PRNP: variants seen among roughly 807,000 people sequenced by gnomAD.
The protein encoded by PRNP is major prion protein.
A neutral mutation model predicts 21.3 loss-of-function variants in PRNP; 15 were observed. The observed-to-expected ratio is 0.71, with a 90% CI of 0.47 to 1.09. The LOEUF (loss-of-function observed/expected upper bound fraction) is 1.09, where lower values mean the gene tolerates loss of function less well. Among genes scored for constraint, PRNP ranks in the 50% least tolerant of loss-of-function variants. The pLI is 0.00. For synonymous variants in PRNP, 121 were observed against 123.1 expected, an observed-to-expected ratio of 0.98 and a Z score of 0.11; for missense variants, 285 against 340.9, an observed-to-expected ratio of 0.84 and a Z score of 1.29.
Position 4,700,189 on chromosome 20 carries a change from T to A in PRNP, c.*207T>A. 6.8e-7 allele frequency: 1 copy of A among 1,479,782 alleles called. No homozygotes were observed. Among genetic ancestry groups the A allele is most frequent in the South Asian group, 1.2e-5 (1 of 81,838 alleles). 91.7% of individuals were successfully genotyped at this position (1,479,782 alleles called of 1,614,324 possible). A position where few individuals can be genotyped will look rare whatever the true frequency, so the allele number is the denominator to read the frequency against. ...GTCAAGCCCCCTTTGATTGAGTTCA[T>A]CATGAGCCGTTGCTAATGCCAGGCC... On this transcript the variant is annotated 3_prime_UTR_variant, in exon 2 of 2. Transcript: ENST00000379440. The surrounding 1 kb of genome is among the most constrained non-coding windows in gnomAD (Gnocchi z 4.1).
At chr20:4,692,061 A>G (rs767056439) in intron 1 of PRNP, among the ~76,000 whole-genome samples, 1 of 152,214 alleles carries the variant, frequency 6.6e-6, no homozygotes, top group Non-Finnish European at 1.5e-5. Flanking sequence ...TCCAAAGCAA[A>G]CAGGGGGTTA....
intron 1 of PRNP, among the ~76,000 whole-genome samples, chr20:4,687,279 G>A (rs1921522648): frequency 6.6e-6 from 1 of 152,156 alleles, no homozygotes; most frequent in Admixed American, 6.5e-5. Context: ...CGGGGTCCGG[G>A]GAGGCCCCAC....
At chr20:4,692,492 C>T (rs894323091) in intron 1 of PRNP, among the ~76,000 whole-genome samples, 1 of 152,306 alleles carries the variant, frequency 6.6e-6, no homozygotes, top group Admixed American at 6.5e-5. Flanking sequence ...TTATTGTTCA[C>T]CACATTAATG....
At chr20:4,698,643 C>G (rs1922319545) in intron 1 of PRNP, among the ~76,000 whole-genome samples, 1 of 152,026 alleles carries the variant, frequency 6.6e-6, no homozygotes, top group Admixed American at 6.5e-5. Context: ...CAGATCATCC[C>G]AGCACTGAGG....
chr20:4,699,845 G>T lies in PRNP; in HGVS notation c.625G>T (p.Val209Leu). The change falls in exon 2 of 2, where the codon GTG becomes TTG. Residue 209 changes from valine (V) to leucine (L), a missense_variant. Transcript: ENST00000379440. This position sits in a 1 kb window ranked among gnomAD's most constrained non-coding sequence, Gnocchi z 5.8. ...GACCGACGTTAAGATGATGGAGCGC[G>T]TGGTTGAGCAGATGTGTATCACCCA... is the stretch of plus-strand genomic sequence containing the variant. The part of the protein sequence containing the change: ...TETDVKMMER[V>L]VEQMCITQYE... The T allele has an allele frequency of 6.2e-7, 1 of 1,613,708 alleles. No homozygotes were observed. Among genetic ancestry groups the T allele is most frequent in the East Asian group, 2.2e-5 (1 of 44,816 alleles).
At chr20:4,693,370 C>T (rs1193182390) in intron 1 of PRNP, among the ~76,000 whole-genome samples, 2 of 152,118 alleles carry the variant, frequency 1.3e-5, no homozygotes. Context: ...GGGGTTTCAC[C>T]ATGTTGCCCA....
chr20:4,699,277 G>A lies in PRNP; in HGVS notation c.57G>A (p.Leu19=), dbSNP rs1490413413. 6.2e-7 allele frequency: 1 copy of A among 1,614,084 alleles called. No individual in the cohort carries two copies. The highest frequency in any genetic ancestry group is 1.7e-5 in the Admixed American group (1 of 60,028). The stretch of plus-strand genomic sequence containing the variant: ...TCTTTGTGGCCACATGGAGTGACCT[G>A]GGCCTCTGCAAGAAGCGCCCGAAGC... ...LVLFVATWSD[L]GLCKKRPKPG... Residue 19 remains leucine (L), a synonymous_variant, in exon 2 of 2, where the codon CTG becomes CTA. Coordinates refer to ENST00000379440, the MANE Select transcript of PRNP (RefSeq NM_000311.5). The surrounding 1 kb of genome is among the most constrained non-coding windows in gnomAD (Gnocchi z 5.8).
In PRNP at chr20:4,696,935, G is replaced by C. The variant is rs112294201; in HGVS notation, c.-10-2276G>C. Reference sequence around the variant, plus strand: ...ACTATGCCATGTCCTCGCCTGTTCAGGTGTCTCTAAGAGCTCATAGATCCT... The same window carrying C: ...ACTATGCCATGTCCTCGCCTGTTCACGTGTCTCTAAGAGCTCATAGATCCT... On this transcript the variant is annotated intron_variant, in intron 1 of 1. Transcript: ENST00000379440. 5.2e-3 allele frequency among the ~76,000 whole-genome samples: 797 copies of C among 152,130 alleles called. 17 individuals are homozygous for C. The highest frequency in any genetic ancestry group is 0.018 in the African/African-American group (763 of 41,486).
At chr20:4,691,208 T>C (rs1921807225) in intron 1 of PRNP, among the ~76,000 whole-genome samples, 1 of 152,186 alleles carries the variant, frequency 6.6e-6, no homozygotes, top group African/African-American at 2.4e-5. Flanking sequence ...TAATTAATGT[T>C]GTTAAAATGT....
At chr20:4,696,779 G>C (rs899436722) in intron 1 of PRNP, among the ~76,000 whole-genome samples, 2 of 152,166 alleles carry the variant, frequency 1.3e-5, no homozygotes, top group South Asian at 4.1e-4. Flanking sequence ...TACTTGACTG[G>C]TGACAGAGAG....
In PRNP at chr20:4,697,042, C is replaced by A. The variant is rs957480479; in HGVS notation, c.-10-2169C>A. ...GCAGTCTCCTCTTCCTCCCATCTTA[C>A]CCATTTCAGGTAATATCTCCAGCCA... On this transcript the variant is annotated intron_variant, in intron 1 of 1. Coordinates refer to ENST00000379440, the MANE Select transcript of PRNP (RefSeq NM_000311.5). The surrounding 1 kb of genome is among the most constrained non-coding windows in gnomAD (Gnocchi z 4.6). Among the ~76,000 whole-genome samples the A allele has an allele frequency of 6.6e-6, 1 of 152,222 alleles. No individual in the cohort carries two copies. Among genetic ancestry groups the A allele is most frequent in the African/African-American group, 2.4e-5 (1 of 41,456 alleles).
intron 1 of PRNP, among the ~76,000 whole-genome samples, chr20:4,694,010 GC>G (rs1922001865): frequency 6.6e-6 from 1 of 150,380 alleles, no homozygotes; most frequent in African/African-American, 2.5e-5. Flanking sequence ...GATCACTTGA[GC>G]CCACTGGGTG....
chr20:4,696,143 C>T (rs893479077), intron 1 of PRNP, among the ~76,000 whole-genome samples: 10 of 152,180 alleles, frequency 6.6e-5, no homozygotes, highest in African/African-American at 2.4e-4. Context: ...ACATTTTCTT[C>T]CCCATAGAAG....
At chr20:4,689,683 T>C (rs1921697635) in intron 1 of PRNP, among the ~76,000 whole-genome samples, 2 of 152,218 alleles carry the variant, frequency 1.3e-5, no homozygotes, top group Non-Finnish European at 1.5e-5. Flanking sequence ...ATATTAAACA[T>C]TCAAAACATG....
rs374447883 is a variant in PRNP, at chr20:4,688,926, TGAAATGG to T, written c.-11+2415_-11+2421del. Among the ~76,000 whole-genome samples the T allele has an allele frequency of 1.1e-3, 161 of 152,358 alleles. 3 individuals carry two copies. Among genetic ancestry groups the T allele is most frequent in the African/African-American group, 3.8e-3 (159 of 41,582 alleles). ...AGTTCACAGGTTTTAATTTTTTAGA[TGAAATGG>T]ACCCACAGTTTTCTGTAAGAGAAAG... On this transcript the variant is annotated intron_variant, in intron 1 of 1. Transcript: ENST00000379440.
Position 4,699,405 on chromosome 20 carries a change from G to T in PRNP, c.185G>T (p.Gly62Val). ...GGTGGTGGCTGGGGGCAGCCTCATG[G>T]TGGTGGCTGGGGGCAGCCTCATGGT... ...QGGGGWGQPH[G>V]GGWGQPHGGG... The change falls in exon 2 of 2, where the codon GGT becomes GTT. Residue 62 changes from glycine (G) to valine (V), a missense_variant. Transcript: ENST00000379440. This position sits in a 1 kb window ranked among gnomAD's most constrained non-coding sequence, Gnocchi z 5.8. The T allele has an allele frequency of 6.2e-7, 1 of 1,613,012 alleles. No homozygotes were observed. Among genetic ancestry groups the T allele is most frequent in the East Asian group, 2.2e-5 (1 of 44,850 alleles).
intron 1 of PRNP, among the ~76,000 whole-genome samples, chr20:4,692,065 G>A (rs1921863595): frequency 6.6e-6 from 1 of 152,118 alleles, no homozygotes; most frequent in African/African-American, 2.4e-5. Flanking sequence ...AAGCAAACAG[G>A]GGGTTATAAA....
intron 1 of PRNP, among the ~76,000 whole-genome samples, chr20:4,687,177 G>C (rs1353793064): frequency 7.2e-5 from 11 of 152,146 alleles, no homozygotes; most frequent in African/African-American, 2.4e-4. Flanking sequence ...CTTCTCCGAG[G>C]GGGGCTGCAG....
At chr20:4,688,700 A>AT (rs1313683338) in intron 1 of PRNP, among the ~76,000 whole-genome samples, 2 of 152,214 alleles carry the variant, frequency 1.3e-5, no homozygotes, top group Non-Finnish European at 1.5e-5. Flanking sequence ...AAAAATCATG[A>AT]TTTTGGAGCC....
Sources: allele counts gnomAD v4.1 joint callset (sites outside exome capture counted in the v4.1 genomes callset), GRCh38; gene constraint gnomAD v4.1.1; non-coding constraint Gnocchi (gnomAD v3.1); transcripts MANE v1.5; gene names NCBI Gene and HGNC (gene_info 2026-07-23, HGNC 2026-07-21).